TEX14: variants seen among roughly 807,000 people sequenced by gnomAD.
The protein encoded by TEX14 is testis expressed 14, intercellular bridge forming factor, also known as inactive serine/threonine-protein kinase TEX14.
Under a neutral mutation model 178.6 loss-of-function variants are expected in TEX14, and 168 were observed. That is an observed-to-expected ratio of 0.94 (90% CI 0.83 to 1.07). The LOEUF is 1.07. Ranked by LOEUF, TEX14 falls within the 50% of genes least tolerant of loss-of-function variation. The pLI is 0.00. For missense variants in TEX14, 1,730 were observed against 1,753.6 expected, an observed-to-expected ratio of 0.99 and a Z score of 0.24; for synonymous variants, 626 against 634.1, an observed-to-expected ratio of 0.99 and a Z score of 0.19.
intron 1 of TEX14, among the ~76,000 whole-genome samples, chr17:58,685,755 G>A (rs1223459590): frequency 6.6e-6 from 1 of 151,760 alleles, no homozygotes; most frequent in African/African-American, 2.4e-5. Context: ...AGTTTGGGAG[G>A]CTGAGGTGGG....
intron 2 of TEX14, among the ~76,000 whole-genome samples, chr17:58,636,823 G>T (rs528929273): frequency 6.6e-6 from 1 of 152,092 alleles, no homozygotes; most frequent in Admixed American, 6.6e-5. Flanking sequence ...TGAGGCAGGA[G>T]AATTTCTTGA....
chr17:58,651,925 T>G lies in TEX14; in HGVS notation c.77A>C (p.Gln26Pro). 1 of 1,613,452 alleles carries G rather than the reference T, an allele frequency of 6.2e-7. No individual in the cohort carries two copies. The highest frequency in any genetic ancestry group is 2.2e-5 in the East Asian group (1 of 44,856). ...GTLRNDSLEA[Q>P]LHEYVKQGNY... ...CCCTTGTTTGACATACTCATGAAGC[T>G]GAGCTTCCAGGGAGTCATTTCTTAA... The change falls in exon 2 of 32, where the codon CAG (glutamine) becomes CCG (proline). Residue 26 changes from glutamine to proline, a missense_variant. This residue lies in a region of TEX14 where 789 missense variants were observed against 681.2 expected (regional missense o/e 1.16). Transcript: ENST00000349033.
chr17:58,639,294 T>C (rs2046516227), intron 2 of TEX14, among the ~76,000 whole-genome samples: 1 of 151,818 alleles, frequency 6.6e-6, no homozygotes, highest in South Asian at 2.1e-4. Context: ...CTTGGGGAGT[T>C]GAGGGGAAGG....
At chr17:58,592,333 G>A (rs2045167141) in intron 15 of TEX14, among the ~76,000 whole-genome samples, 1 of 149,784 alleles carries the variant, frequency 6.7e-6, no homozygotes, top group South Asian at 2.1e-4. Context: ...GGGTTCGAGT[G>A]ATTCTTTTTT....
At chr17:58,560,999 A>G (rs530877713) in intron 29 of TEX14, among the ~76,000 whole-genome samples, 2 of 152,236 alleles carry the variant, frequency 1.3e-5, no homozygotes, top group African/African-American at 2.4e-5. Flanking sequence ...GCATACAAAA[A>G]TAAGACATAC....
intron 2 of TEX14, among the ~76,000 whole-genome samples, chr17:58,633,841 G>A (rs554889698): frequency 6.6e-5 from 10 of 152,082 alleles, no homozygotes; most frequent in East Asian, 5.8e-4. Context: ...GGTGGCACAC[G>A]CCTGTAGTCC....
chr17:58,691,073 T>C lies in TEX14; in HGVS notation c.-2+866A>G, dbSNP rs555816756. ...TTTCGCCATGTTGTCGAGGCTGGTC[T>C]CAAACTCATGAGCTCAAAGAGATCC... On this transcript the variant is annotated intron_variant, in intron 1 of 31. Transcript: ENST00000349033. Among the ~76,000 whole-genome samples, 3 of 152,050 alleles carry C rather than the reference T, an allele frequency of 2.0e-5. No individual in the cohort carries two copies. The South Asian group carries it at 6.2e-4, about 32-fold the overall frequency.
chr17:58,640,940 G>A (rs2046560357), intron 2 of TEX14, among the ~76,000 whole-genome samples: 1 of 151,874 alleles, frequency 6.6e-6, no homozygotes, highest in Non-Finnish European at 1.5e-5. Context: ...GGCTTGTCTC[G>A]ACCTTCTCAG....
intron 2 of TEX14, among the ~76,000 whole-genome samples, chr17:58,637,312 G>A (rs1205547678): frequency 6.6e-6 from 1 of 152,220 alleles, no homozygotes; most frequent in Admixed American, 6.5e-5. Context: ...AAAACTCTTT[G>A]AACCTCTGGA....
At chr17:58,574,116 A>G in intron 22 of TEX14, 71 bp downstream of exon 22, 1 of 1,226,416 alleles carries the variant, frequency 8.2e-7, no homozygotes, top group Non-Finnish European at 1.2e-6. Context: ...CCTTACAAAC[A>G]AGAATATACT....
At chr17:58,557,137 C>T in intron 31 of TEX14, 90 bp from the exon 32 acceptor site, 2 of 1,059,704 alleles carry the variant, frequency 1.9e-6, no homozygotes, top group Non-Finnish European at 2.9e-6. Context: ...TCTTTCTATT[C>T]AATTAAATTC....
chr17:58,631,637 C>G (rs1240612803), intron 2 of TEX14: 1 of 150,944 alleles, frequency 6.6e-6, no homozygotes, highest in Admixed American at 6.6e-5. Context: ...AAAAAAAACC[C>G]AGAACTACTC....
Position 58,581,241 on chromosome 17 carries a change from G to A in TEX14, c.3172-1510C>T, listed in dbSNP as rs9890958. The stretch of plus-strand genomic sequence containing the variant: ...CAGGAGAATCGCTTGAACCCGGGAG[G>A]CAGAGGATGCGGTGAGCCGAGATCA... On this transcript the variant is annotated intron_variant, in intron 19 of 31. Coordinates refer to ENST00000349033, the MANE Select transcript of TEX14 (RefSeq NM_031272.5). Among the ~76,000 whole-genome samples, 137 of 150,540 alleles carry A rather than the reference G, an allele frequency of 9.1e-4. 1 individual carries two copies. Among genetic ancestry groups the A allele is most frequent in the African/African-American group, 3.3e-3 (134 of 40,860 alleles).
chr17:58,628,699 G>C (rs533008006), intron 3 of TEX14, among the ~76,000 whole-genome samples: 2 of 139,890 alleles, frequency 1.4e-5, no homozygotes, highest in South Asian at 2.3e-4. Flanking sequence ...GCAACAGAGT[G>C]AGACTCTGTC....
intron 11 of TEX14, among the ~76,000 whole-genome samples, chr17:58,603,680 C>T (rs2045529092): frequency 1.3e-5 from 2 of 151,490 alleles, no homozygotes; most frequent in Non-Finnish European, 2.9e-5. Flanking sequence ...CGGTGAAACC[C>T]CGTCTGTACT....
At chr17:58,635,594 T>G (rs577078842) in intron 2 of TEX14, among the ~76,000 whole-genome samples, 16 of 152,244 alleles carry the variant, frequency 1.1e-4, no homozygotes, top group Non-Finnish European at 1.9e-4. Context: ...CATGCCCAGC[T>G]AATTTTTGTA....
intron 11 of TEX14, among the ~76,000 whole-genome samples, chr17:58,603,112 T>C (rs1189274992): frequency 6.6e-6 from 1 of 151,680 alleles, no homozygotes; most frequent in Non-Finnish European, 1.5e-5. Flanking sequence ...GAGAAGCCAC[T>C]TTACTCATTT....
At chr17:58,688,764 C>A (rs1394885340) in intron 1 of TEX14, among the ~76,000 whole-genome samples, 1 of 152,116 alleles carries the variant, frequency 6.6e-6, no homozygotes, top group Non-Finnish European at 1.5e-5. Flanking sequence ...CAAATTTTTT[C>A]ATGAAGTAAC....
intron 1 of TEX14, among the ~76,000 whole-genome samples, chr17:58,673,938 A>T (rs1322951791): frequency 6.6e-6 from 1 of 152,124 alleles, no homozygotes; most frequent in Non-Finnish European, 1.5e-5. Flanking sequence ...TTTTCTACAA[A>T]CATCTTCAAG....
Sources: allele counts gnomAD v4.1 joint callset (sites outside exome capture counted in the v4.1 genomes callset), GRCh38; gene constraint gnomAD v4.1.1; regional missense constraint gnomAD v4.1.1; transcripts MANE v1.5; gene names NCBI Gene and HGNC (gene_info 2026-07-23, HGNC 2026-07-21).